The following GAL3ST2 variants were observed in gnomAD, a reference collection of about 807,000 sequenced individuals.
GAL3ST2 encodes the protein galactose-3-O-sulfotransferase 2.
GAL3ST2 carries 16 observed loss-of-function variants against 12.9 expected under a neutral mutation model. That is an observed-to-expected ratio of 1.24 (90% CI 0.84 to 1.88). GAL3ST2 has a LOEUF of 1.88. Among genes scored for constraint, GAL3ST2 ranks in the 40% most tolerant of loss-of-function variants. The pLI, the probability that GAL3ST2 is intolerant of heterozygous loss-of-function variation, is 0.00. For missense variants in GAL3ST2, 639 were observed against 571.8 expected (o/e 1.12, Z -1.20); for synonymous variants, 302 against 273.9 (o/e 1.10, Z -1.01).
rs961245190 is a variant in GAL3ST2 at position 241,803,967 on chromosome 2, A to T, written c.998A>T (p.Gln333Leu). 8 of 1,521,042 alleles carry T rather than the reference A, an allele frequency of 5.3e-6. No individual in the cohort carries two copies. The African/African-American group carries it at 1.0e-4, about 19-fold the overall frequency. The allele number at this position is 1,521,042 out of a possible 1,614,324, so 94.2% of individuals were successfully genotyped here. The stretch of plus-strand genomic sequence containing the variant: ...GGCGGCGCGCTCAAGAACCACACGC[A>T]GATCAGAGACCCGCGCCTGCGCCCC... ...QDGGALKNHT[Q>L]IRDPRLRPYQ... Residue 333 changes from glutamine (Q) to leucine (L), a missense_variant, in exon 4 of 4, where the codon CAG (glutamine) becomes CTG (leucine). Transcript: ENST00000192314.
rs1699866965 is a variant in GAL3ST2 at position 241,802,563 on chromosome 2, G to C, written c.375+527G>C. ...GCTAGGTGACCAGGCGGGGCCAGAG[G>C]GAGGCCGGGTGGGGAGAGGTGATGG... On this transcript the variant is annotated intron_variant, in intron 3 of 3. Coordinates refer to ENST00000192314, the MANE Select transcript of GAL3ST2 (RefSeq NM_022134.3). The surrounding 1 kb of genome is among the most constrained non-coding windows in gnomAD (Gnocchi z 4.8). 1.3e-5 allele frequency among the ~76,000 whole-genome samples: 2 copies of C among 151,864 alleles called. No homozygotes were observed. Among genetic ancestry groups the C allele is most frequent in the Admixed American group, 1.3e-4 (2 of 15,254 alleles).
intron 1 of GAL3ST2, among the ~76,000 whole-genome samples, chr2:241,798,402 G>A (rs1269492713): frequency 6.6e-6 from 1 of 152,230 alleles, no homozygotes; most frequent in African/African-American, 2.4e-5. Context: ...GGTTCCTGGG[G>A]AGGGCCCTCC....
chr2:241,796,032 G>A (rs907717605), intron 1 of GAL3ST2, among the ~76,000 whole-genome samples: 18 of 152,232 alleles, frequency 1.2e-4, no homozygotes, highest in East Asian at 3.8e-4. Flanking sequence ...CTGAGGTGCC[G>A]CGTGTGCCGT....
Position 241,802,768 on chromosome 2 carries a change from A to C in GAL3ST2, c.376-577A>C, listed in dbSNP as rs997508706. On this transcript the variant is annotated intron_variant, in intron 3 of 3. Coordinates refer to ENST00000192314, the MANE Select transcript of GAL3ST2 (RefSeq NM_022134.3). This position sits in a 1 kb window ranked among gnomAD's most constrained non-coding sequence, Gnocchi z 4.8. ...GGTGTAGTTGGGCGTGACTTTCTGC[A>C]AGACTTTACTTTCTGTGGGTGGGGT... Among the ~76,000 whole-genome samples the C allele has an allele frequency of 6.6e-6, 1 of 152,040 alleles. No homozygotes were observed. The highest frequency in any genetic ancestry group is 2.4e-5 in the African/African-American group (1 of 41,388).
chr2:241,787,280 T>A, intron 1 of GAL3ST2, among the ~76,000 whole-genome samples: 1 of 152,154 alleles, frequency 6.6e-6, no homozygotes, highest in East Asian at 1.9e-4. Flanking sequence ...GGCAAACAAA[T>A]GCGCATCGTC....
At chr2:241,780,256 C>G (rs1699550279) in intron 1 of GAL3ST2, among the ~76,000 whole-genome samples, 2 of 152,092 alleles carry the variant, frequency 1.3e-5, no homozygotes, top group South Asian at 4.1e-4. Flanking sequence ...TGTGGTGGCT[C>G]ACATCTGTAA....
Position 241,776,944 on chromosome 2 carries a change from C to G in GAL3ST2, c.-12C>G. The stretch of plus-strand genomic sequence containing the variant: ...GCCTCGACTGTCCCCTCGCTGGAGG[C>G]CAGAGGCCAAGATGATGTCCATGCT... On this transcript the variant is annotated 5_prime_UTR_variant, in exon 1 of 4. Transcript: ENST00000192314. 6.5e-7 allele frequency: 1 copy of G among 1,540,074 alleles called. No homozygotes were observed. The highest frequency in any genetic ancestry group is 8.8e-7 in the Non-Finnish European group (1 of 1,138,298).
chr2:241,791,517 G>T (rs1699693644), intron 1 of GAL3ST2, among the ~76,000 whole-genome samples: 1 of 152,186 alleles, frequency 6.6e-6, no homozygotes, highest in Non-Finnish European at 1.5e-5. Flanking sequence ...CCTGTGGCAA[G>T]AAAAGAATAT....
chr2:241,786,943 G>A (rs371282570), intron 1 of GAL3ST2, among the ~76,000 whole-genome samples: 10 of 152,204 alleles, frequency 6.6e-5, no homozygotes, highest in South Asian at 4.1e-4. Context: ...CCTGCCTCCC[G>A]TTCTCTTCAA....
At chr2:241,777,280 G>A (rs565995151) in intron 1 of GAL3ST2, among the ~76,000 whole-genome samples, 5 of 152,338 alleles carry the variant, frequency 3.3e-5, no homozygotes, top group East Asian at 3.9e-4. Flanking sequence ...TCCGCGTGAC[G>A]GCTGGGGAGG....
chr2:241,801,501 T>G lies in GAL3ST2; in HGVS notation c.120-280T>G. On this transcript the variant is annotated intron_variant, in intron 2 of 3. Transcript: ENST00000192314. The surrounding 1 kb of genome is among the most constrained non-coding windows in gnomAD (Gnocchi z 4.4). ...TCCCCTTGGCCAAGATGGGGTTCAT[T>G]TAGGGTTTTATTTTTAGTTCTCGGG... 4.5e-5 allele frequency: 21 copies of G among 464,420 alleles called. No individual in the cohort carries two copies. Among genetic ancestry groups the G allele is most frequent in the Admixed American group, 7.8e-5 (2 of 25,806 alleles). The allele number at this position is 464,420 out of a possible 1,614,324, so 28.8% of individuals were successfully genotyped here. A position where few individuals can be genotyped will look rare whatever the true frequency, so the allele number is the denominator to read the frequency against.
Position 241,776,973 on chromosome 2 carries a change from C to T in GAL3ST2, c.18C>T (p.Gly6=), listed in dbSNP as rs371030645. ...AGGCCAAGATGATGTCCATGCTGGG[C>T]GGCTTGCAGAGGTAAGGGGGGCAGT... The part of the protein sequence containing the change: MMSML[G]GLQRYFRVIL... The change falls in exon 1 of 4, where the codon GGC becomes GGT. Residue 6 remains glycine, a synonymous_variant. Coordinates refer to ENST00000192314, the MANE Select transcript of GAL3ST2 (RefSeq NM_022134.3). 108 of 1,549,440 alleles carry T rather than the reference C, an allele frequency of 7.0e-5. No homozygotes were observed. Among genetic ancestry groups the T allele is most frequent in the Non-Finnish European group, 7.8e-5 (89 of 1,143,288 alleles).
Position 241,800,410 on chromosome 2 carries a change from A to G in GAL3ST2, c.119+1256A>G, listed in dbSNP as rs1392225706. On this transcript the variant is annotated intron_variant, in intron 2 of 3. Transcript: ENST00000192314. The surrounding 1 kb of genome is among the most constrained non-coding windows in gnomAD (Gnocchi z 5.2). Reference sequence around the variant, plus strand: ...TACGCTGAACGGCTTGGCCAAGTACACGTTCAGCAGGTGACGGGAGGAGCT... The same window carrying G: ...TACGCTGAACGGCTTGGCCAAGTACGCGTTCAGCAGGTGACGGGAGGAGCT... Among the ~76,000 whole-genome samples the G allele has an allele frequency of 1.3e-5, 2 of 152,056 alleles. No individual in the cohort carries two copies. Among genetic ancestry groups the G allele is most frequent in the Non-Finnish European group, 2.9e-5 (2 of 68,016 alleles).
chr2:241,781,720 A>G (rs889774981), intron 1 of GAL3ST2, among the ~76,000 whole-genome samples: 1 of 152,266 alleles, frequency 6.6e-6, no homozygotes, highest in African/African-American at 2.4e-5. Flanking sequence ...ATACTTGACA[A>G]TGCTTCCTGT....
Position 241,803,454 on chromosome 2 carries a change from G to A in GAL3ST2, c.485G>A (p.Arg162Gln), listed in dbSNP as rs759350746. ...IYYKTYAPAFRGAPSLDAFLA... is the reference protein window; with the variant it reads ...IYYKTYAPAFQGAPSLDAFLA... ...TACAAAACCTACGCCCCCGCCTTCC[G>A]GGGCGCCCCGAGCCTGGACGCGTTC... Residue 162 changes from arginine to glutamine, a missense_variant, in exon 4 of 4, where the codon CGG becomes CAG. By Grantham distance (43) the Arg-to-Gln change is conservative. Coordinates refer to ENST00000192314, the MANE Select transcript of GAL3ST2 (RefSeq NM_022134.3). 5.0e-5 allele frequency: 80 copies of A among 1,611,602 alleles called. No homozygotes were observed. The highest frequency in any genetic ancestry group is 6.4e-5 in the Non-Finnish European group (75 of 1,179,426).
rs1428829613 is a variant in GAL3ST2 at position 241,801,546 on chromosome 2, A to T, written c.120-235A>T. 2.2e-5 allele frequency: 13 copies of T among 586,544 alleles called. No homozygotes were observed. The highest frequency in any genetic ancestry group is 3.9e-5 in the Non-Finnish European group (13 of 333,756). 36.3% of individuals were successfully genotyped at this position (586,544 alleles called of 1,614,324 possible). ...CTCGGGGGCACAGGGTTGGGGGAGC[A>T]TGGTTACGGGAGACAGTTGGGGGAG... On this transcript the variant is annotated intron_variant, in intron 2 of 3. Coordinates refer to ENST00000192314, the MANE Select transcript of GAL3ST2 (RefSeq NM_022134.3). This position sits in a 1 kb window ranked among gnomAD's most constrained non-coding sequence, Gnocchi z 4.4.
chr2:241,788,703 CCCCTCAA>C (rs1699656694), intron 1 of GAL3ST2, among the ~76,000 whole-genome samples: 1 of 152,088 alleles, frequency 6.6e-6, no homozygotes, highest in African/African-American at 2.4e-5. Context: ...TCAGGGAAAT[CCCCTCAA>C]AAGTTAATTT....
chr2:241,798,394 T>C (rs1575366924), intron 1 of GAL3ST2, among the ~76,000 whole-genome samples: 1 of 152,140 alleles, frequency 6.6e-6, no homozygotes, highest in East Asian at 1.9e-4. Flanking sequence ...GCATGGCGGG[T>C]TCCTGGGGAG....
At chr2:241,787,895 C>T (rs1181906961) in intron 1 of GAL3ST2, among the ~76,000 whole-genome samples, 1 of 151,784 alleles carries the variant, frequency 6.6e-6, no homozygotes, top group Non-Finnish European at 1.5e-5. Context: ...TTGGTCAAAT[C>T]CGAGTGAGAA....
Sources: gnomAD v4.1 joint callset for allele counts (sites outside exome capture counted in the v4.1 genomes callset) on GRCh38, gnomAD v4.1.1 for gene constraint, Gnocchi (gnomAD v3.1) non-coding constraint, MANE v1.5 for transcripts, NCBI Gene and HGNC (gene_info 2026-07-23, HGNC 2026-07-21) for gene names.